Variants in MDGA2 observed in about 807,000 individuals in gnomAD.
MDGA2 encodes MAM domain containing glycosylphosphatidylinositol anchor 2.
A neutral mutation model predicts 117.8 loss-of-function variants in MDGA2; 40 were observed. The observed-to-expected ratio is 0.34, with a 90% CI of 0.26 to 0.44. The LOEUF (loss-of-function observed/expected upper bound fraction) is 0.44. MDGA2 is among the 20% of genes least tolerant of loss of function. The probability of loss-of-function intolerance (pLI) is 1.00; values close to 1 mark genes in which losing one functional copy is unlikely to be tolerated. For missense variants in MDGA2, 1,123 were observed against 1,250.6 expected (o/e 0.90, Z 1.54); for synonymous variants, 452 against 439.0 (o/e 1.03, Z -0.37).
chr14:46,931,214 CAAAAA>C (rs34493526), intron 9 of MDGA2, among the ~76,000 whole-genome samples: 129 of 76,290 alleles, frequency 1.7e-3, no homozygotes, highest in African/African-American at 5.6e-3. Flanking sequence ...GACTACATCT[CAAAAA>C]AAAAAAAAAA....
At chr14:47,103,576 T>C (rs1880462399) in intron 5 of MDGA2, among the ~76,000 whole-genome samples, 1 of 152,256 alleles carries the variant, frequency 6.6e-6, no homozygotes, top group Non-Finnish European at 1.5e-5. Context: ...CAGTTTTTAA[T>C]GTAGGAGTAA....
chr14:47,283,101 G>T (rs965340265), intron 2 of MDGA2, among the ~76,000 whole-genome samples: 3 of 152,032 alleles, frequency 2.0e-5, no homozygotes, highest in African/African-American at 7.3e-5. Context: ...ATTAATTTTG[G>T]GCAAATATTG....
intron 2 of MDGA2, among the ~76,000 whole-genome samples, chr14:47,222,404 G>T (rs1359050911): frequency 6.6e-6 from 1 of 152,046 alleles, no homozygotes; most frequent in Non-Finnish European, 1.5e-5. Flanking sequence ...TATATTACTT[G>T]TGATTGGTAT....
intron 9 of MDGA2, among the ~76,000 whole-genome samples, chr14:46,934,243 T>C (rs1253233659): frequency 6.6e-6 from 1 of 152,082 alleles, no homozygotes; most frequent in African/African-American, 2.4e-5. Context: ...AGCAAGTATT[T>C]AAGACACATA....
chr14:47,142,692 G>A (rs1471147668), intron 4 of MDGA2, among the ~76,000 whole-genome samples: 1 of 152,106 alleles, frequency 6.6e-6, no homozygotes, highest in East Asian at 1.9e-4. Flanking sequence ...GTAACAATTG[G>A]AGAATGCATT....
intron 1 of MDGA2, among the ~76,000 whole-genome samples, chr14:47,304,154 G>A (rs558175377): frequency 2.6e-5 from 4 of 152,230 alleles, no homozygotes; most frequent in African/African-American, 7.2e-5. Context: ...GCTGCTCAAC[G>A]ATAATGAGAG....
chr14:47,501,259 C>T, intron 1 of MDGA2, among the ~76,000 whole-genome samples: 1 of 152,092 alleles, frequency 6.6e-6, no homozygotes, highest in East Asian at 1.9e-4. Context: ...ACAAGTAAAT[C>T]AGTTTCTTGA....
intron 6 of MDGA2, among the ~76,000 whole-genome samples, chr14:47,072,316 T>A (rs1890322273): frequency 6.6e-6 from 1 of 152,124 alleles, no homozygotes. Flanking sequence ...AAATACAATT[T>A]TTTAAGTGCA....
intron 2 of MDGA2, among the ~76,000 whole-genome samples, chr14:47,234,762 T>G (rs1459045010): frequency 1.3e-5 from 2 of 152,102 alleles, no homozygotes; most frequent in African/African-American, 4.8e-5. Context: ...ATGAATACAA[T>G]ACACATAAGA....
intron 8 of MDGA2, among the ~76,000 whole-genome samples, chr14:47,028,701 A>C (rs1408798858): frequency 6.6e-6 from 1 of 152,136 alleles, no homozygotes; most frequent in Admixed American, 6.5e-5. Flanking sequence ...AGAGGAGCAT[A>C]AAAGCCTAGC....
At chr14:47,171,422 C>T (rs544068687) in intron 3 of MDGA2, among the ~76,000 whole-genome samples, 1 of 152,152 alleles carries the variant, frequency 6.6e-6, no homozygotes, top group South Asian at 2.1e-4. Context: ...TGAGAAGTTC[C>T]TTTGGATTAA....
At chr14:47,318,245 T>C (rs1249813577) in intron 1 of MDGA2, among the ~76,000 whole-genome samples, 2 of 152,160 alleles carry the variant, frequency 1.3e-5, no homozygotes, top group Non-Finnish European at 2.9e-5. Context: ...AAATTGTCAT[T>C]AACATGACCT....
At chr14:47,424,503 C>T (rs935820058) in intron 1 of MDGA2, among the ~76,000 whole-genome samples, 3 of 152,040 alleles carry the variant, frequency 2.0e-5, no homozygotes, top group Non-Finnish European at 4.4e-5. Context: ...CCAACATCTT[C>T]TCATGTGTGT....
chr14:47,389,741 G>A (rs12878294), intron 1 of MDGA2, among the ~76,000 whole-genome samples: 9 of 151,946 alleles, frequency 5.9e-5, no homozygotes, highest in Non-Finnish European at 1.2e-4. Flanking sequence ...GTGAAAAAAG[G>A]GGGGAGGGAT....
intron 2 of MDGA2, among the ~76,000 whole-genome samples, chr14:47,222,223 AG>A (rs1297944224): frequency 7.9e-5 from 12 of 152,142 alleles, no homozygotes; most frequent in African/African-American, 2.9e-4. Flanking sequence ...AGATGGGAAA[AG>A]AAGGCATGGA....
chr14:47,415,383 T>A (rs1291709943), intron 1 of MDGA2, among the ~76,000 whole-genome samples: 1 of 152,138 alleles, frequency 6.6e-6, no homozygotes, highest in African/African-American at 2.4e-5. Flanking sequence ...TATTCACAAG[T>A]ACCCCCCTTA....
intron 1 of MDGA2, among the ~76,000 whole-genome samples, chr14:47,542,951 T>C (rs1220130882): frequency 6.6e-6 from 1 of 152,210 alleles, no homozygotes; most frequent in Non-Finnish European, 1.5e-5. Context: ...GGCTCACACC[T>C]GTAGTTCCAA....
intron 1 of MDGA2, among the ~76,000 whole-genome samples, chr14:47,424,586 G>T (rs1183280294): frequency 6.6e-6 from 1 of 151,982 alleles, no homozygotes; most frequent in Non-Finnish European, 1.5e-5. Context: ...TTATGAGGAT[G>T]GTTATTCTGA....
At chr14:47,360,232 TC>T (rs35015292) in intron 1 of MDGA2, among the ~76,000 whole-genome samples, 1 of 151,656 alleles carries the variant, frequency 6.6e-6, no homozygotes, top group East Asian at 2.0e-4. Flanking sequence ...ATGCCTGTAG[TC>T]CCAGCTACTC....
Sources: allele counts gnomAD v4.1 joint callset (sites outside exome capture counted in the v4.1 genomes callset), GRCh38; gene constraint gnomAD v4.1.1; transcripts MANE v1.5; gene names NCBI Gene and HGNC (gene_info 2026-07-23, HGNC 2026-07-21).